The following RXRA variants were observed in gnomAD, a reference collection of about 807,000 sequenced individuals.
The protein encoded by RXRA is retinoid X receptor alpha.
Under a neutral mutation model 44.5 loss-of-function variants are expected in RXRA, and 5 were observed. The ratio of observed to expected loss-of-function variants is 0.11; its 90% CI spans 0.06 to 0.24. The LOEUF (loss-of-function observed/expected upper bound fraction) is 0.24. RXRA is among the 10% of genes least tolerant of loss of function. The pLI, the probability that RXRA is intolerant of heterozygous loss-of-function variation, is 1.00. For synonymous variants in RXRA, 291 were observed against 271.4 expected, an observed-to-expected ratio of 1.07 and a Z score of -0.71; for missense variants, 412 against 646.5, an observed-to-expected ratio of 0.64 and a Z score of 3.93.
Position 134,417,380 on chromosome 9 carries a change from C to T in RXRA, c.780+53C>T, listed in dbSNP as rs753555826. ...CAGCCTCACATGCCTCAGTTTCCCT[C>T]ACTCACTCACCCTCCCACCTGAGCA... On this transcript the variant is annotated intron_variant, in intron 5 of 9. Transcript: ENST00000481739. This position sits in a 1 kb window ranked among gnomAD's most constrained non-coding sequence, Gnocchi z 6.1. The T allele has an allele frequency of 4.4e-6, 7 of 1,578,196 alleles. No individual in the cohort carries two copies. Among genetic ancestry groups the T allele is most frequent in the Non-Finnish European group, 6.1e-6 (7 of 1,155,534 alleles).
intron 1 of RXRA, among the ~76,000 whole-genome samples, chr9:134,376,504 G>T (rs1175406862): frequency 3.8e-5 from 2 of 52,410 alleles, no homozygotes; most frequent in African/African-American, 1.2e-4. Flanking sequence ...GCCACACTCT[G>T]CTCAGGCAGC....
intron 1 of RXRA, among the ~76,000 whole-genome samples, chr9:134,364,357 C>T (rs1211969429): frequency 1.3e-5 from 2 of 152,248 alleles, no homozygotes; most frequent in Non-Finnish European, 2.9e-5. Flanking sequence ...TATTAAATGG[C>T]CTCCACCCCA....
chr9:134,379,165 A>G, intron 1 of RXRA: 1 of 675,836 alleles, frequency 1.5e-6, no homozygotes, highest in Non-Finnish European at 1.8e-6. Flanking sequence ...TCTGCACAGC[A>G]GGACCCGGAA....
At chr9:134,410,538 G>A (rs895560558) in intron 4 of RXRA, among the ~76,000 whole-genome samples, 3 of 152,214 alleles carry the variant, frequency 2.0e-5, no homozygotes, top group Admixed American at 2.0e-4. Context: ...TGGTTCTTCC[G>A]GGTGCCTGGT....
At chr9:134,399,860 G>C (rs889565060) in intron 1 of RXRA, among the ~76,000 whole-genome samples, 1 of 152,214 alleles carries the variant, frequency 6.6e-6, no homozygotes, top group Non-Finnish European at 1.5e-5. Context: ...GGCTGAATCA[G>C]GGCAGTGCTG....
chr9:134,335,577 G>C (rs534092557), intron 1 of RXRA, among the ~76,000 whole-genome samples: 2 of 152,320 alleles, frequency 1.3e-5, no homozygotes, highest in Non-Finnish European at 2.9e-5. Context: ...TTCCAGGTCT[G>C]TGCTGGTGGG....
At chr9:134,397,523 C>T (rs138628255) in intron 1 of RXRA, among the ~76,000 whole-genome samples, 2 of 151,944 alleles carry the variant, frequency 1.3e-5, no homozygotes, top group East Asian at 3.9e-4. Flanking sequence ...TTCTTCTGTG[C>T]AGTCTTCCTG....
At chr9:134,369,268 GGGGGGTTATGTGTGTGTGT>G (rs1830460019) in intron 1 of RXRA, among the ~76,000 whole-genome samples, 1 of 49,318 alleles carries the variant, frequency 2.0e-5, no homozygotes, top group Admixed American at 2.2e-4. Context: ...TTGTGTGTGT[GGGGGGTTATGTGTGTGTGT>G]GGGGGTTATG....
At chr9:134,434,578 TGGATGGCCAGATGCC>T (rs1831585009) in intron 9 of RXRA, among the ~76,000 whole-genome samples, 1 of 152,140 alleles carries the variant, frequency 6.6e-6, no homozygotes, top group Non-Finnish European at 1.5e-5. Flanking sequence ...ATGTGTAGAA[TGGATGGCCAGATGCC>T]CACACATACT....
chr9:134,385,889 G>A (rs1019432390), intron 1 of RXRA, among the ~76,000 whole-genome samples: 8 of 152,264 alleles, frequency 5.3e-5, no homozygotes, highest in Admixed American at 1.3e-4. Flanking sequence ...CCCAACGTCC[G>A]GGCCTTGCCC....
chr9:134,347,583 G>A (rs1237080067), intron 1 of RXRA, among the ~76,000 whole-genome samples: 4 of 152,228 alleles, frequency 2.6e-5, no homozygotes, highest in South Asian at 2.1e-4. Flanking sequence ...AGGGGCCTGC[G>A]TTGATGGGCA....
chr9:134,367,745 C>G (rs1435887222), intron 1 of RXRA, among the ~76,000 whole-genome samples: 2 of 152,168 alleles, frequency 1.3e-5, no homozygotes, highest in Admixed American at 1.3e-4. Flanking sequence ...GCAGCTCCCC[C>G]TCGGGTGGGG....
chr9:134,402,594 C>G (rs1171229484), intron 2 of RXRA: 2 of 152,376 alleles, frequency 1.3e-5, no homozygotes, highest in East Asian at 1.9e-4. Context: ...GGGACCTGGT[C>G]CGTGCTCCCC....
rs1026646494 is a variant in RXRA, at chr9:134,440,196, TGAG to T, written c.*3584_*3586del. On this transcript the variant is annotated 3_prime_UTR_variant, in exon 10 of 10. Transcript: ENST00000481739. Reference sequence around the variant, plus strand: ...CTGTTTCGTTTCTGCTTCTAGAGATTGAGGTGAAAGCTTCGTCCGAGAAACGCC... The same window carrying T: ...CTGTTTCGTTTCTGCTTCTAGAGATTGTGAAAGCTTCGTCCGAGAAACGCC... 3 of 151,892 alleles carry T rather than the reference TGAG, an allele frequency of 2.0e-5. No homozygotes were observed. Among genetic ancestry groups the T allele is most frequent in the African/African-American group, 4.8e-5 (2 of 41,298 alleles). 9.4% of individuals were successfully genotyped at this position (151,892 alleles called of 1,614,324 possible).
Position 134,417,514 on chromosome 9 carries a change from C to T in RXRA, c.780+187C>T, listed in dbSNP as rs987825086. ...GGCCCCTCGCCCCAGCTGGGCGGCACTCTCCTCTCCTGGCCCATGCACGAG... is the reference window on the plus strand; with the variant it reads ...GGCCCCTCGCCCCAGCTGGGCGGCATTCTCCTCTCCTGGCCCATGCACGAG... On this transcript the variant is annotated intron_variant, in intron 5 of 9. Coordinates refer to ENST00000481739, the MANE Select transcript of RXRA (RefSeq NM_002957.6). This position sits in a 1 kb window ranked among gnomAD's most constrained non-coding sequence, Gnocchi z 6.1. Among the ~76,000 whole-genome samples the T allele has an allele frequency of 2.0e-5, 3 of 152,140 alleles. No homozygotes were observed. Among genetic ancestry groups the T allele is most frequent in the Admixed American group, 6.5e-5 (1 of 15,284 alleles).
rs796628785 is a variant in RXRA, at chr9:134,419,875, G to A, written c.781-1801G>A. Among the ~76,000 whole-genome samples the A allele has an allele frequency of 7.2e-5, 11 of 152,252 alleles. No homozygotes were observed. The East Asian group carries it at 9.7e-4, about 13-fold the overall frequency. ...CTGCCGGGAGTGTGCCTCCTCCTCC[G>A]CTCCGGCCTCCTGGCTCTCCAGCCT... On this transcript the variant is annotated intron_variant, in intron 5 of 9. Coordinates refer to ENST00000481739, the MANE Select transcript of RXRA (RefSeq NM_002957.6).
chr9:134,415,212 C>G (rs1831214468), intron 4 of RXRA, among the ~76,000 whole-genome samples: 1 of 152,202 alleles, frequency 6.6e-6, no homozygotes. Flanking sequence ...AAACTGTTGG[C>G]ACAGGGTGGC....
intron 9 of RXRA, among the ~76,000 whole-genome samples, chr9:134,435,247 G>A (rs143542298): frequency 1.3e-5 from 2 of 152,214 alleles, no homozygotes; most frequent in Admixed American, 6.5e-5. Flanking sequence ...GACTCAGGCC[G>A]TGCACAGGGG....
At chr9:134,394,800 C>T (rs1448506317) in intron 1 of RXRA, among the ~76,000 whole-genome samples, 6 of 152,298 alleles carry the variant, frequency 3.9e-5, no homozygotes, top group Non-Finnish European at 8.8e-5. Context: ...AGGTCCCCAC[C>T]ATGGGGGCCT....
Sources: allele counts gnomAD v4.1 joint callset (sites outside exome capture counted in the v4.1 genomes callset), GRCh38; gene constraint gnomAD v4.1.1; non-coding constraint Gnocchi (gnomAD v3.1); transcripts MANE v1.5; gene names NCBI Gene and HGNC (gene_info 2026-07-23, HGNC 2026-07-21).